Variants in PDE1A observed in about 807,000 individuals in gnomAD.
PDE1A encodes the protein dual specificity calcium/calmodulin-dependent 3',5'-cyclic nucleotide phosphodiesterase 1A.
Under a neutral mutation model 61.7 loss-of-function variants are expected in PDE1A, and 35 were observed. That is an observed-to-expected ratio of 0.57 (90% CI 0.43 to 0.75). PDE1A has a LOEUF of 0.75. PDE1A is among the 30% of genes least tolerant of loss of function. The probability of loss-of-function intolerance (pLI) is 0.00; values close to 1 mark genes in which losing one functional copy is unlikely to be tolerated. For synonymous variants in PDE1A, 232 were observed against 213.2 expected, an observed-to-expected ratio of 1.09 and a Z score of -0.77; for missense variants, 597 against 630.6, an observed-to-expected ratio of 0.95 and a Z score of 0.57.
chr2:182,631,163 A>G, the PDE1A span, among the ~76,000 whole-genome samples: 1 of 152,138 alleles, frequency 6.6e-6, no homozygotes, highest in Non-Finnish European at 1.5e-5. Context: ...CAGAAAGTCA[A>G]TGGTGTACAT....
intron 1 of PDE1A, among the ~76,000 whole-genome samples, chr2:182,390,869 G>A (rs1345774690): frequency 1.3e-5 from 2 of 152,140 alleles, no homozygotes; most frequent in Non-Finnish European, 2.9e-5. Context: ...TTTCTCTGAG[G>A]AGAACAACCA....
At chr2:182,434,786 A>G (rs193146377) in intron 2 of PDE1A, among the ~76,000 whole-genome samples, 2 of 152,166 alleles carry the variant, frequency 1.3e-5, no homozygotes, top group Non-Finnish European at 2.9e-5. Flanking sequence ...TATTCACTCA[A>G]TAGCTTTATA....
chr2:182,400,660 T>C (rs549712446), intron 1 of PDE1A, among the ~76,000 whole-genome samples: 1 of 152,208 alleles, frequency 6.6e-6, no homozygotes, highest in South Asian at 2.1e-4. Context: ...AGCCACTCTC[T>C]AAAGGCATGA....
chr2:182,246,854 ACACTGCTGTATCAT>A (rs1691012593), intron 2 of PDE1A, among the ~76,000 whole-genome samples: 1 of 152,220 alleles, frequency 6.6e-6, no homozygotes, highest in Non-Finnish European at 1.5e-5. Flanking sequence ...CTTCTGTTGT[ACACTGCTGTATCAT>A]CAGCTTCTAA....
the PDE1A span, among the ~76,000 whole-genome samples, chr2:182,620,288 G>C: frequency 6.6e-6 from 1 of 152,064 alleles, no homozygotes; most frequent in Non-Finnish European, 1.5e-5. Context: ...GATTTGTAAA[G>C]CTTAAAATGA....
intron 1 of PDE1A, among the ~76,000 whole-genome samples, chr2:182,383,546 C>T (rs1700852609): frequency 6.6e-6 from 1 of 152,030 alleles, no homozygotes; most frequent in Non-Finnish European, 1.5e-5. Context: ...AATTAGATAA[C>T]ATTTTAGATC....
intron 2 of PDE1A, among the ~76,000 whole-genome samples, chr2:182,457,316 ATAG>A (rs1433860871): frequency 1.3e-5 from 2 of 151,914 alleles, no homozygotes; most frequent in Non-Finnish European, 2.9e-5. Flanking sequence ...TGCATATGAT[ATAG>A]TAGGCCATTT....
chr2:182,476,615 A>C (rs1048082740), intron 2 of PDE1A, among the ~76,000 whole-genome samples: 1 of 152,008 alleles, frequency 6.6e-6, no homozygotes, highest in African/African-American at 2.4e-5. Context: ...TGAGTGTCAA[A>C]ATTAATTCTG....
chr2:182,556,602 G>A, the PDE1A span, among the ~76,000 whole-genome samples: 208 of 152,214 alleles, frequency 1.4e-3, no homozygotes, highest in Non-Finnish European at 2.3e-3. Flanking sequence ...AAAGCAATGA[G>A]TCCAATGAGC....
chr2:182,182,689 T>A (rs1292107822), intron 13 of PDE1A, among the ~76,000 whole-genome samples: 2 of 152,054 alleles, frequency 1.3e-5, no homozygotes, highest in Non-Finnish European at 2.9e-5. Context: ...TATTCCCACT[T>A]GTCCAATTTC....
the PDE1A span, among the ~76,000 whole-genome samples, chr2:182,575,555 T>C: frequency 4.4e-4 from 67 of 151,092 alleles, no homozygotes; most frequent in Middle Eastern, 6.8e-3. Flanking sequence ...TGCTAGGGGG[T>C]GATGGTGAGT....
chr2:182,511,749 A>G (rs1163947777), intron 2 of PDE1A, among the ~76,000 whole-genome samples: 1 of 152,136 alleles, frequency 6.6e-6, no homozygotes, highest in Non-Finnish European at 1.5e-5. Flanking sequence ...GCCTCTCCCC[A>G]GAGTCCTTGC....
At chr2:182,464,993 AT>A (rs1177963439) in intron 2 of PDE1A, among the ~76,000 whole-genome samples, 1 of 152,234 alleles carries the variant, frequency 6.6e-6, no homozygotes, top group African/African-American at 2.4e-5. Flanking sequence ...CTATTAAAAA[AT>A]ATTAACTGTA....
intron 1 of PDE1A, among the ~76,000 whole-genome samples, chr2:182,270,107 A>G (rs1692912198): frequency 6.6e-6 from 1 of 152,164 alleles, no homozygotes; most frequent in East Asian, 1.9e-4. Flanking sequence ...TGCTGAGCAC[A>G]CTTTGATCTG....
intron 2 of PDE1A, among the ~76,000 whole-genome samples, chr2:182,498,142 G>A (rs1374828121): frequency 2.0e-5 from 3 of 150,868 alleles, no homozygotes; most frequent in Non-Finnish European, 4.4e-5. Flanking sequence ...GCTCTGCAGT[G>A]TCTCACTTTG....
At chr2:182,491,241 T>C (rs1365714918) in intron 2 of PDE1A, among the ~76,000 whole-genome samples, 1 of 152,196 alleles carries the variant, frequency 6.6e-6, no homozygotes, top group East Asian at 1.9e-4. Flanking sequence ...CGCAATCAGC[T>C]ACATGAATGC....
At chr2:182,539,892 C>A in the PDE1A span, among the ~76,000 whole-genome samples, 1 of 152,190 alleles carries the variant, frequency 6.6e-6, no homozygotes, top group Non-Finnish European at 1.5e-5. Context: ...GAAGTCATTT[C>A]TTTCCCTTCA....
intron 1 of PDE1A, among the ~76,000 whole-genome samples, chr2:182,377,135 T>C (rs1222863499): frequency 6.6e-6 from 1 of 152,202 alleles, no homozygotes; most frequent in Non-Finnish European, 1.5e-5. Context: ...TTTGGATATT[T>C]GTCCCTGCCC....
At chr2:182,532,228 TAGA>T in the PDE1A span, among the ~76,000 whole-genome samples, 3 of 152,158 alleles carry the variant, frequency 2.0e-5, no homozygotes, top group African/African-American at 4.8e-5. Context: ...TTCAAAGAGC[TAGA>T]AGAAGGATAT....
Sources: allele counts gnomAD v4.1 joint callset (sites outside exome capture counted in the v4.1 genomes callset), GRCh38; gene constraint gnomAD v4.1.1; transcripts MANE v1.5; gene names NCBI Gene and HGNC (gene_info 2026-07-23, HGNC 2026-07-21).